Variants in FSTL4 observed in about 807,000 individuals in gnomAD.
FSTL4 encodes the protein follistatin like 4.
In FSTL4, 28 loss-of-function variants were observed where a neutral mutation model predicts 78.2. That is an observed-to-expected ratio of 0.36 (90% confidence interval 0.27 to 0.49). The LOEUF (loss-of-function observed/expected upper bound fraction) is 0.49. Ranked by LOEUF, FSTL4 falls within the 20% of genes least tolerant of loss-of-function variation. FSTL4 has a pLI of 0.98. For missense variants in FSTL4, 922 were observed against 1,084.9 expected, an observed-to-expected ratio of 0.85 and a Z score of 2.11; for synonymous variants, 422 against 440.5, an observed-to-expected ratio of 0.96 and a Z score of 0.53.
At chr5:133,241,174 T>C (rs1751862043) in intron 7 of FSTL4, among the ~76,000 whole-genome samples, 1 of 152,280 alleles carries the variant, frequency 6.6e-6, no homozygotes, top group South Asian at 2.1e-4. Context: ...CCCTTTGGGC[T>C]TCATCACTTG....
At chr5:133,228,251 A>T (rs995470190) in intron 8 of FSTL4, among the ~76,000 whole-genome samples, 1 of 152,206 alleles carries the variant, frequency 6.6e-6, no homozygotes, top group Non-Finnish European at 1.5e-5. Context: ...AAAATAAAAA[A>T]AAGGAAACTT....
the FSTL4 span, among the ~76,000 whole-genome samples, chr5:133,773,862 C>A: frequency 6.6e-6 from 1 of 152,162 alleles, no homozygotes; most frequent in East Asian, 1.9e-4. Flanking sequence ...GGGTTACTCA[C>A]CCATTTGTAG....
At chr5:133,567,942 A>G (rs144579455) in intron 2 of FSTL4, among the ~76,000 whole-genome samples, 1 of 152,232 alleles carries the variant, frequency 6.6e-6, no homozygotes, top group African/African-American at 2.4e-5. Flanking sequence ...TGAGAAATGA[A>G]AGGGTGATTT....
the FSTL4 span, among the ~76,000 whole-genome samples, chr5:133,813,113 A>T: frequency 6.6e-6 from 1 of 152,164 alleles, no homozygotes; most frequent in African/African-American, 2.4e-5. Flanking sequence ...CATCTCCAGA[A>T]GTCAGCAGCC....
intron 6 of FSTL4, among the ~76,000 whole-genome samples, chr5:133,250,101 C>T (rs947045662): frequency 5.9e-5 from 9 of 152,210 alleles, no homozygotes; most frequent in African/African-American, 1.7e-4. Context: ...TCTAAGGATT[C>T]GCTGAACTTG....
chr5:133,475,440 C>G (rs535814858), intron 3 of FSTL4, among the ~76,000 whole-genome samples: 15 of 152,330 alleles, frequency 9.8e-5, no homozygotes, highest in African/African-American at 3.6e-4. Context: ...GCCTCCCCCT[C>G]CCCTGCCACA....
intron 6 of FSTL4, among the ~76,000 whole-genome samples, chr5:133,286,309 C>T (rs1753127929): frequency 6.6e-6 from 1 of 152,174 alleles, no homozygotes; most frequent in Admixed American, 6.5e-5. Flanking sequence ...ATGTATCAGG[C>T]ACACGGTTAA....
the FSTL4 span, among the ~76,000 whole-genome samples, chr5:133,663,280 C>T: frequency 0.67 from 101,294 of 151,974 alleles, 35,210 homozygotes; most frequent in African/African-American, 0.88. Context: ...TACTGTCCCA[C>T]GCACAGTTTA....
the FSTL4 span, among the ~76,000 whole-genome samples, chr5:133,645,986 T>C: frequency 0.011 from 1,708 of 152,284 alleles, 33 homozygotes; most frequent in African/African-American, 0.039. Context: ...CATTGTGTTA[T>C]GGCAAGCCCA....
Position 133,198,915 on chromosome 5 carries a change from A to T in FSTL4, c.*180T>A. On this transcript the variant is annotated 3_prime_UTR_variant, in exon 16 of 16. Coordinates refer to ENST00000265342, the MANE Select transcript of FSTL4 (RefSeq NM_015082.2). ...ATAAATCATACTTCCTAACGAAAAA[A>T]CCCCAATCTTGGTAGCAGCGCATAC... The T allele has an allele frequency of 4.2e-6, 2 of 477,320 alleles. No homozygotes were observed. Among genetic ancestry groups the T allele is most frequent in the Non-Finnish European group, 7.4e-6 (2 of 271,076 alleles). 29.6% of individuals were successfully genotyped at this position (477,320 alleles called of 1,614,324 possible). A position where few individuals can be genotyped will look rare whatever the true frequency, so the allele number is the denominator to read the frequency against.
At chr5:133,346,110 G>A (rs1014033223) in intron 4 of FSTL4, among the ~76,000 whole-genome samples, 1 of 152,176 alleles carries the variant, frequency 6.6e-6, no homozygotes, top group Non-Finnish European at 1.5e-5. Context: ...AATGAAGCCG[G>A]AAACCATCAT....
intron 8 of FSTL4, among the ~76,000 whole-genome samples, chr5:133,226,126 C>T (rs988909339): frequency 6.6e-6 from 1 of 152,182 alleles, no homozygotes; most frequent in African/African-American, 2.4e-5. Flanking sequence ...ATGTAAAGAG[C>T]AGCAGCCACT....
intron 4 of FSTL4, among the ~76,000 whole-genome samples, chr5:133,341,225 A>T (rs1207698583): frequency 6.1e-4 from 77 of 125,486 alleles, no homozygotes; most frequent in African/African-American, 2.2e-3. Context: ...TCCTGCTCAC[A>T]TTTTTTTTTT....
At chr5:133,661,817 C>T in the FSTL4 span, among the ~76,000 whole-genome samples, 1 of 152,202 alleles carries the variant, frequency 6.6e-6, no homozygotes, top group Non-Finnish European at 1.5e-5. Flanking sequence ...AGATTCTTTA[C>T]AAACTTCTGT....
chr5:133,228,219 C>A (rs1437751974), intron 8 of FSTL4, among the ~76,000 whole-genome samples: 1 of 151,838 alleles, frequency 6.6e-6, no homozygotes, highest in Non-Finnish European at 1.5e-5. Context: ...AGAGCAAGAA[C>A]CTCTCTCAAA....
At chr5:133,796,075 C>T in the FSTL4 span, among the ~76,000 whole-genome samples, 1 of 152,350 alleles carries the variant, frequency 6.6e-6, no homozygotes, top group Admixed American at 6.5e-5. Context: ...ACCACTTTCC[C>T]ATGTGCTCCT....
the FSTL4 span, among the ~76,000 whole-genome samples, chr5:133,700,723 A>C: frequency 1.2e-4 from 19 of 152,314 alleles, no homozygotes; most frequent in African/African-American, 4.6e-4. Flanking sequence ...CCACCATGTG[A>C]CCTCTCAGGG....
At chr5:133,213,760 ATAAT>A (rs1170471913) in intron 13 of FSTL4, among the ~76,000 whole-genome samples, 1 of 152,238 alleles carries the variant, frequency 6.6e-6, no homozygotes, top group Non-Finnish European at 1.5e-5. Flanking sequence ...AATCAACTAT[ATAAT>A]TAATTATGTT....
intron 3 of FSTL4, among the ~76,000 whole-genome samples, chr5:133,452,771 C>A (rs1207966526): frequency 1.3e-5 from 2 of 152,250 alleles, no homozygotes; most frequent in Non-Finnish European, 2.9e-5. Flanking sequence ...TCCAGGGACC[C>A]CAGGCAGCTG....
Sources: allele counts gnomAD v4.1 joint callset (sites outside exome capture counted in the v4.1 genomes callset), GRCh38; gene constraint gnomAD v4.1.1; transcripts MANE v1.5; gene names NCBI Gene and HGNC (gene_info 2026-07-23, HGNC 2026-07-21).